Variants in SPMIP5 observed in about 807,000 individuals in gnomAD.
SPMIP5 encodes sperm microtubule inner protein 5.
At chr10:116,667,504 T>A in the SPMIP5 span, among the ~76,000 whole-genome samples, 1 of 152,130 alleles carries the variant, frequency 6.6e-6, no homozygotes, top group Admixed American at 6.5e-5. Flanking sequence ...AACCTCAGCT[T>A]GTCAGAACCC....
the SPMIP5 span, chr10:116,663,584 G>C: frequency 3.9e-6 from 1 of 258,270 alleles, no homozygotes; most frequent in African/African-American, 2.2e-5. Flanking sequence ...TAGAGGGTTG[G>C]GCTAGGTCTT....
chr10:116,665,607 C>G, the SPMIP5 span: 1 of 1,610,354 alleles, frequency 6.2e-7, no homozygotes, highest in Non-Finnish European at 8.5e-7. Flanking sequence ...GGCGCTGCTA[C>G]CCAGGATCAG....
At chr10:116,668,437 G>A in the SPMIP5 span, 1 of 874,178 alleles carries the variant, frequency 1.1e-6, no homozygotes, top group Non-Finnish European at 1.9e-6. Flanking sequence ...GCCAGGAGTT[G>A]GGGCTGAGAG....
the SPMIP5 span, chr10:116,668,192 G>T: frequency 1.0e-4 from 149 of 1,480,808 alleles, no homozygotes; most frequent in East Asian, 2.5e-3. Context: ...GTGGGTCAAG[G>T]CAGGGACAGT....
the SPMIP5 span, chr10:116,663,915 T>C: frequency 6.5e-7 from 1 of 1,536,506 alleles, no homozygotes; most frequent in Non-Finnish European, 8.7e-7. Context: ...TCTAGCCTTC[T>C]GCATACTTTG....
chr10:116,665,491 G>T, the SPMIP5 span: 1 of 802,770 alleles, frequency 1.2e-6, no homozygotes, highest in Admixed American at 2.5e-5. Context: ...ATTTGGTGCT[G>T]ACCCCTGGGA....
chr10:116,662,432 AC>A, the SPMIP5 span, among the ~76,000 whole-genome samples: 3 of 152,196 alleles, frequency 2.0e-5, no homozygotes, highest in Non-Finnish European at 4.4e-5. Flanking sequence ...GGAAGGAAAT[AC>A]TAAATTTCGC....
At chr10:116,668,459 A>G in the SPMIP5 span, 1 of 725,912 alleles carries the variant, frequency 1.4e-6, no homozygotes, top group Non-Finnish European at 2.4e-6. Context: ...CAGCACTACC[A>G]CCTTACCCAA....
At chr10:116,667,873 A>G in the SPMIP5 span, among the ~76,000 whole-genome samples, 1 of 152,214 alleles carries the variant, frequency 6.6e-6, no homozygotes, top group South Asian at 2.1e-4. Context: ...AAAGGATGGG[A>G]GCACAAGAAT....
the SPMIP5 span, chr10:116,668,352 C>T: frequency 5.7e-5 from 88 of 1,543,614 alleles, no homozygotes; most frequent in African/African-American, 3.1e-4. Context: ...GGGAATGAAA[C>T]GGTCTCATCA....
the SPMIP5 span, chr10:116,668,312 T>A: frequency 6.2e-7 from 1 of 1,612,274 alleles, no homozygotes; most frequent in South Asian, 1.1e-5. Context: ...GAAGGCTCCA[T>A]GATTTCGCTC....
chr10:116,664,175 T>C, the SPMIP5 span: 1 of 1,614,120 alleles, frequency 6.2e-7, no homozygotes, highest in Non-Finnish European at 8.5e-7. Flanking sequence ...TCTCCTCACC[T>C]GGAATAGAAA....
chr10:116,666,903 T>C, the SPMIP5 span, among the ~76,000 whole-genome samples: 48 of 152,350 alleles, frequency 3.2e-4, no homozygotes, highest in East Asian at 9.1e-3. Context: ...AAATAGGTTA[T>C]GTATGCTGGC....
At chr10:116,666,623 A>C in the SPMIP5 span, among the ~76,000 whole-genome samples, 2,410 of 152,246 alleles carry the variant, frequency 0.016, 68 homozygotes, top group African/African-American at 0.055. Flanking sequence ...CCTCACCCCC[A>C]GAGCCCTACA....
chr10:116,665,641 G>A, the SPMIP5 span: 5 of 1,613,950 alleles, frequency 3.1e-6, no homozygotes, highest in African/African-American at 4.0e-5. Flanking sequence ...AGATTGTACT[G>A]GTGCAGGGCC....
At chr10:116,663,188 A>G in the SPMIP5 span, among the ~76,000 whole-genome samples, 1 of 151,646 alleles carries the variant, frequency 6.6e-6, no homozygotes, top group Non-Finnish European at 1.5e-5. Context: ...TCTCAAAAAA[A>G]AAAAAAAAAA....
the SPMIP5 span, among the ~76,000 whole-genome samples, chr10:116,663,533 G>A: frequency 2.3e-3 from 346 of 152,248 alleles, 1 homozygote; most frequent in African/African-American, 7.8e-3. Flanking sequence ...TGGTGTCTGC[G>A]CCGCTGTCAG....
chr10:116,665,172 A>T, the SPMIP5 span: 1 of 1,217,044 alleles, frequency 8.2e-7, no homozygotes, highest in Non-Finnish European at 1.0e-6. Context: ...TGAGGCAGGC[A>T]GATCACCTGA....
chr10:116,664,055 G>A, the SPMIP5 span: 1 of 1,600,988 alleles, frequency 6.2e-7, no homozygotes, highest in Non-Finnish European at 8.5e-7. Context: ...CTTCCATCTA[G>A]GAGAGGAACC....
Sources: allele counts gnomAD v4.1 joint callset (sites outside exome capture counted in the v4.1 genomes callset), GRCh38; gene constraint gnomAD v4.1.1; transcripts MANE v1.5; gene names NCBI Gene and HGNC (gene_info 2026-07-23, HGNC 2026-07-21).